Variants in DYNC2H1 observed in about 807,000 individuals in gnomAD.
DYNC2H1 encodes dynein cytoplasmic 2 heavy chain 1.
DYNC2H1 carries 410 observed loss-of-function variants against 570.0 expected under a neutral mutation model. The observed-to-expected ratio is 0.72, with a 90% CI of 0.66 to 0.78. The LOEUF (loss-of-function observed/expected upper bound fraction) is 0.78. Ranked by LOEUF, DYNC2H1 falls within the 30% of genes least tolerant of loss-of-function variation. The pLI is 0.00. For missense variants in DYNC2H1, 4,865 were observed against 5,046.4 expected (o/e 0.96, Z 1.09); for synonymous variants, 1,688 against 1,677.6 (o/e 1.01, Z -0.15).
At position 103,155,364 on chromosome 11, in the gene DYNC2H1, G is replaced by A. The variant is rs202051528; in HGVS notation, c.3607G>A (p.Glu1203Lys). Residue 1203 changes from glutamate (E) to lysine (K), a missense_variant, in exon 25 of 89, where the codon GAG (glutamate) becomes AAG (lysine). Physicochemically the swap from Glu to Lys is moderately conservative, Grantham distance 56. This residue lies in a region of DYNC2H1 where 1,936 missense variants were observed against 1,962.1 expected (regional missense o/e 0.99). Coordinates refer to ENST00000375735, the MANE Select transcript of DYNC2H1 (RefSeq NM_001377.3). ...VIPILKYVRG[E>K]HLSPDHWLDL... ...TCCTATCTTGAAATATGTGAGAGGGGAGCATCTTTCTCCAGATCACTGGCT... is the reference window on the plus strand; with the variant it reads ...TCCTATCTTGAAATATGTGAGAGGGAAGCATCTTTCTCCAGATCACTGGCT... 43 of 1,609,760 alleles carry A rather than the reference G, an allele frequency of 2.7e-5. No individual in the cohort carries two copies. The African/African-American group carries it at 5.4e-4, about 20-fold the overall frequency.
At chr11:103,442,507 G>A (rs1179706547) in intron 85 of DYNC2H1, among the ~76,000 whole-genome samples, 1 of 152,040 alleles carries the variant, frequency 6.6e-6, no homozygotes, top group African/African-American at 2.4e-5. Flanking sequence ...TTTCTCAGCA[G>A]TAACAGCTGA....
At chr11:103,194,703 C>T (rs1449519622) in intron 47 of DYNC2H1, among the ~76,000 whole-genome samples, 1 of 151,898 alleles carries the variant, frequency 6.6e-6, no homozygotes, top group Non-Finnish European at 1.5e-5. Context: ...TTTCTTTTAT[C>T]CATTTTTCCA....
At chr11:103,331,663 T>C (rs937341228) in intron 82 of DYNC2H1, among the ~76,000 whole-genome samples, 1 of 152,140 alleles carries the variant, frequency 6.6e-6, no homozygotes, top group African/African-American at 2.4e-5. Context: ...CAAGAAAAGG[T>C]ACCACTCCAA....
intron 84 of DYNC2H1, among the ~76,000 whole-genome samples, chr11:103,428,611 ACT>A (rs551820198): frequency 5.3e-5 from 8 of 152,038 alleles, no homozygotes; most frequent in African/African-American, 1.9e-4. Flanking sequence ...AAAAACTGAA[ACT>A]CTGTCCTATT....
At chr11:103,176,072 A>G (rs1861795104) in intron 36 of DYNC2H1, among the ~76,000 whole-genome samples, 163 bp from the exon 37 acceptor site, 1 of 152,212 alleles carries the variant, frequency 6.6e-6, no homozygotes, top group Non-Finnish European at 1.5e-5. Context: ...GTCAAAAGAT[A>G]TTAAAGTAAG....
At chr11:103,297,999 C>A (rs924864799) in intron 75 of DYNC2H1, among the ~76,000 whole-genome samples, 2 of 152,018 alleles carry the variant, frequency 1.3e-5, no homozygotes, top group Admixed American at 6.6e-5. Flanking sequence ...TCTATCCTTC[C>A]CCACTTTAAG....
chr11:103,428,152 T>C (rs1943740079), intron 84 of DYNC2H1, among the ~76,000 whole-genome samples: 1 of 149,948 alleles, frequency 6.7e-6, no homozygotes, highest in Non-Finnish European at 1.5e-5. Context: ...GCATCATTAG[T>C]CAAATGGATA....
chr11:103,211,502 C>A (rs1187919016), intron 53 of DYNC2H1, among the ~76,000 whole-genome samples: 2 of 151,894 alleles, frequency 1.3e-5, no homozygotes, highest in East Asian at 3.9e-4. Flanking sequence ...TATGTTATGA[C>A]AACATGTAGA....
chr11:103,427,223 T>C (rs1225252023), intron 84 of DYNC2H1, among the ~76,000 whole-genome samples: 1 of 152,128 alleles, frequency 6.6e-6, no homozygotes, highest in Non-Finnish European at 1.5e-5. Flanking sequence ...CAGAAAACAA[T>C]GTACAAATAA....
At position 103,223,746 on chromosome 11, in the gene DYNC2H1, T is replaced by TA. The variant is rs1415265173; in HGVS notation, c.9353+661dup. Among the ~76,000 whole-genome samples the TA allele has an allele frequency of 1.3e-4, 11 of 86,520 alleles. No homozygotes were observed. In the Admixed American group the frequency reaches 1.6e-3, roughly 13 times the overall value. The allele number at this position is 86,520 out of a possible 152,430, so 56.8% of individuals were successfully genotyped here. ...GAAATTTAAGACTTTTATGTTTATT[T>TA]ATTGATTTTTTTTTTTTTTTGAGAC... On this transcript the variant is annotated intron_variant, in intron 59 of 88. Transcript: ENST00000375735.
intron 26 of DYNC2H1, among the ~76,000 whole-genome samples, chr11:103,158,257 C>CT (rs1434181347): frequency 6.6e-6 from 1 of 152,120 alleles, no homozygotes; most frequent in East Asian, 1.9e-4. Context: ...ACCATCGTGG[C>CT]TAACACGGTG....
chr11:103,120,785 C>G lies in DYNC2H1; in HGVS notation c.1231C>G (p.Gln411Glu), dbSNP rs747358182. The change falls in exon 8 of 89, where the codon CAA (glutamine) becomes GAA (glutamate). Residue 411 changes from glutamine to glutamate, a missense_variant. By Grantham distance (29) the Gln-to-Glu change is conservative (BLOSUM62 2). Around this residue, in one of 5 missense-constraint regions of DYNC2H1, gnomAD observed 1,936 missense variants for 1,962.1 expected, o/e 0.99. Coordinates refer to ENST00000375735, the MANE Select transcript of DYNC2H1 (RefSeq NM_001377.3). ...GKLKNYISEI[Q>E]DSPQQLLQAF... is the part of the protein sequence containing the mutation. ...ATTGAAAAATTATATTTCAGAAATT[C>G]AAGACAGTCCACAGCAGGTAAAACA... The G allele has an allele frequency of 1.3e-6, 2 of 1,560,832 alleles. No individual in the cohort carries two copies. The highest frequency in any genetic ancestry group is 1.4e-5 in the African/African-American group (1 of 73,394).
At chr11:103,451,714 T>C (rs1403640920) in intron 85 of DYNC2H1, among the ~76,000 whole-genome samples, 12 of 152,130 alleles carry the variant, frequency 7.9e-5, no homozygotes, top group Admixed American at 7.2e-4. Context: ...TACCAAAATT[T>C]TGTCCATGTT....
At chr11:103,419,877 T>C (rs745486098) in intron 84 of DYNC2H1, among the ~76,000 whole-genome samples, 11 of 151,910 alleles carry the variant, frequency 7.2e-5, no homozygotes, top group Non-Finnish European at 8.8e-5. Context: ...GCAAAGAAGC[T>C]AAGAATCATG....
intron 59 of DYNC2H1, 26 bp downstream of exon 59, chr11:103,223,112 A>G (rs1863655216): frequency 2.6e-6 from 4 of 1,553,818 alleles, no homozygotes; most frequent in African/African-American, 1.4e-5. Context: ...AATATAAACA[A>G]TTCTAACCTT....
In DYNC2H1 at chr11:103,121,030, A is replaced by G; in HGVS notation, c.1354A>G (p.Ile452Val). Residue 452 changes from isoleucine (I) to valine (V), a missense_variant, in exon 9 of 89, where the codon ATT (isoleucine) becomes GTT (valine). Coordinates refer to ENST00000375735, the MANE Select transcript of DYNC2H1 (RefSeq NM_001377.3). ...TTTACTGGCAAGACTTGTGGACTCAATTAAAGGTAAAAGTTTATGAGATTA... is the reference window on the plus strand; with the variant it reads ...TTTACTGGCAAGACTTGTGGACTCAGTTAAAGGTAAAAGTTTATGAGATTA... ...ETLLARLVDS[I>V]KDFRLDFENR... 6.4e-7 allele frequency: 1 copy of G among 1,554,246 alleles called. No homozygotes were observed. Among genetic ancestry groups the G allele is most frequent in the Non-Finnish European group, 8.7e-7 (1 of 1,148,956 alleles).
At chr11:103,456,388 A>G in intron 87 of DYNC2H1, 32 bp downstream of exon 87, 1 of 1,532,278 alleles carries the variant, frequency 6.5e-7, no homozygotes. Flanking sequence ...TTGGAATCTC[A>G]GCCTTATCAC....
intron 70 of DYNC2H1, among the ~76,000 whole-genome samples, chr11:103,262,974 AG>A (rs1865362797): frequency 6.8e-6 from 1 of 147,026 alleles, no homozygotes. Flanking sequence ...AGATACACAT[AG>A]GCCCAAAATA....
chr11:103,191,759 T>C, intron 46 of DYNC2H1, 140 bp downstream of exon 46: 1 of 412,132 alleles, frequency 2.4e-6, no homozygotes, highest in South Asian at 1.2e-4. Flanking sequence ...ATTAAAATTA[T>C]TATATTTCTT....
Sources: gnomAD v4.1 joint callset for allele counts (sites outside exome capture counted in the v4.1 genomes callset) on GRCh38, gnomAD v4.1.1 for gene constraint, gnomAD v4.1.1 regional missense constraint, MANE v1.5 for transcripts, NCBI Gene and HGNC (gene_info 2026-07-23, HGNC 2026-07-21) for gene names.